The following PSMA2 variants were observed in gnomAD, a reference collection of about 807,000 sequenced individuals.
The protein encoded by PSMA2 is proteasome 20S subunit alpha 2.
In PSMA2, 2 loss-of-function variants were observed where a neutral mutation model predicts 35.9. The observed-to-expected ratio is 0.06, with a 90% CI of 0.02 to 0.18. The LOEUF is 0.18. Among genes scored for constraint, PSMA2 ranks in the 10% least tolerant of loss-of-function variants. The pLI, the probability that PSMA2 is intolerant of heterozygous loss-of-function variation, is 1.00. For synonymous variants in PSMA2, 97 were observed against 98.2 expected (o/e 0.99, Z 0.07); for missense variants, 126 against 278.8 (o/e 0.45, Z 3.90).
Position 42,924,559 on chromosome 7 carries a change from G to A in PSMA2, c.374+116C>T, listed in dbSNP as rs1198242325. 17 of 1,035,478 alleles carry A rather than the reference G, an allele frequency of 1.6e-5. No individual in the cohort carries two copies. In the East Asian group the frequency reaches 4.8e-4, roughly 29 times the overall value. The allele number at this position is 1,035,478 out of a possible 1,614,324, so 64.1% of individuals were successfully genotyped here. The stretch of plus-strand genomic sequence containing the variant: ...CAGAAATATTCATCATAGTGATTCT[G>A]TCCACTTGTTAAGCAAATACAGAAA... On this transcript the variant is annotated intron_variant, in intron 4 of 7. Transcript: ENST00000223321.
chr7:42,927,518 C>T (rs1786231994), intron 1 of PSMA2, 59 bp from the exon 2 acceptor site: 7 of 1,508,328 alleles, frequency 4.6e-6, no homozygotes, highest in African/African-American at 1.4e-5. Context: ...ATTGTAAGAA[C>T]ATCTCTGAGA....
intron 1 of PSMA2, chr7:42,931,206 T>G (rs746196000): frequency 2.3e-6 from 1 of 441,904 alleles, no homozygotes; most frequent in Non-Finnish European, 4.5e-6. Context: ...AGGTTAAGGT[T>G]AAGTTGCACC....
At chr7:42,931,161 A>C (rs1258899117) in intron 1 of PSMA2, 1 of 455,172 alleles carries the variant, frequency 2.2e-6, no homozygotes, top group African/African-American at 2.0e-5. Context: ...AGAAGCTGAG[A>C]TAACATTCAT....
rs541696564 is a variant in PSMA2, at chr7:42,927,540, T to C, written c.42-81A>G. The C allele has an allele frequency of 3.7e-5, 51 of 1,380,426 alleles. No individual in the cohort carries two copies. The South Asian group carries it at 5.8e-4, about 16-fold the overall frequency. The allele number at this position is 1,380,426 out of a possible 1,614,324, so 85.5% of individuals were successfully genotyped here. A position where few individuals can be genotyped will look rare whatever the true frequency, so the allele number is the denominator to read the frequency against. ...GAACATCTCTGAGATAGTACAGACA[T>C]ACAGGTCAAATCCAATTTATCCAAC... On this transcript the variant is annotated intron_variant, in intron 1 of 7. Coordinates refer to ENST00000223321, the MANE Select transcript of PSMA2 (RefSeq NM_002787.5).
rs775869402 is a variant in PSMA2, at chr7:42,917,702, G to A, written c.589-12C>T. The A allele has an allele frequency of 2.5e-6, 4 of 1,611,016 alleles. No individual in the cohort carries two copies. Among genetic ancestry groups the A allele is most frequent in the Non-Finnish European group, 1.7e-6 (2 of 1,178,354 alleles). On this transcript the variant is annotated splice_polypyrimidine_tract_variant and intron_variant, in intron 7 of 7. Transcript: ENST00000223321. ...CCTTCAAAGCTTTCCTATTGAGGAGGGAGGAAAAAAGGTCAATTTTCTAAG... is the reference window on the plus strand; with the variant it reads ...CCTTCAAAGCTTTCCTATTGAGGAGAGAGGAAAAAAGGTCAATTTTCTAAG...
intron 3 of PSMA2, among the ~76,000 whole-genome samples, chr7:42,925,356 G>A (rs1786194700): frequency 6.6e-6 from 1 of 152,244 alleles, no homozygotes; most frequent in East Asian, 1.9e-4. Flanking sequence ...AAGATCACTT[G>A]AGGCCAGGAG....
At chr7:42,924,180 C>T (rs967679671) in intron 4 of PSMA2, among the ~76,000 whole-genome samples, 2 of 82,478 alleles carry the variant, frequency 2.4e-5, no homozygotes, top group African/African-American at 9.1e-5. Flanking sequence ...CACATCTCTA[C>T]CAAAAAAATA....
chr7:42,923,302 C>G, intron 5 of PSMA2, 23 bp downstream of exon 5: 1 of 1,552,268 alleles, frequency 6.4e-7, no homozygotes, highest in Non-Finnish European at 8.9e-7. Flanking sequence ...ACAAATCCCT[C>G]AAATACATTA....
At chr7:42,926,404 A>G in intron 3 of PSMA2, 132 bp downstream of exon 3, 1 of 1,087,846 alleles carries the variant, frequency 9.2e-7, no homozygotes, top group Non-Finnish European at 1.3e-6. Flanking sequence ...CGAGGCTGCT[A>G]TTGCTAAACA....
At chr7:42,928,783 C>G (rs1374837260) in intron 1 of PSMA2, among the ~76,000 whole-genome samples, 1 of 152,190 alleles carries the variant, frequency 6.6e-6, no homozygotes, top group African/African-American at 2.4e-5. Flanking sequence ...AGACTACTCT[C>G]AGACTTCAAA....
In PSMA2 at chr7:42,917,408, A is replaced by C; in HGVS notation, c.*166T>G. On this transcript the variant is annotated 3_prime_UTR_variant, in exon 8 of 8. Coordinates refer to ENST00000223321, the MANE Select transcript of PSMA2 (RefSeq NM_002787.5). ...ATTTTAGCAACTCCTAAAAGGCTGG[A>C]AGGTGGGTTTAACAGTTTATTAGGA... is the stretch of plus-strand genomic sequence containing the variant. 1.8e-6 allele frequency: 1 copy of C among 540,926 alleles called. No individual in the cohort carries two copies. Among genetic ancestry groups the C allele is most frequent in the Non-Finnish European group, 3.2e-6 (1 of 308,232 alleles). The allele number at this position is 540,926 out of a possible 1,614,324, so 33.5% of individuals were successfully genotyped here.
rs1445847951 is a variant in PSMA2 at position 42,917,327 on chromosome 7, T to G, written c.*247A>C. On this transcript the variant is annotated 3_prime_UTR_variant, in exon 8 of 8. Transcript: ENST00000223321. ...GAAAAAGTCATTTCATCATTCTGCT[T>G]GGCAATGTAGTCTTCAGAAATCAAC... The G allele has an allele frequency of 6.0e-6, 2 of 330,652 alleles. No homozygotes were observed. The highest frequency in any genetic ancestry group is 1.1e-5 in the Non-Finnish European group (2 of 180,630). 20.5% of individuals were successfully genotyped at this position (330,652 alleles called of 1,614,324 possible). A position where few individuals can be genotyped will look rare whatever the true frequency, so the allele number is the denominator to read the frequency against.
intron 1 of PSMA2, 52 bp from the exon 2 acceptor site, chr7:42,927,511 G>T (rs773978494): frequency 2.0e-6 from 3 of 1,521,320 alleles, no homozygotes; most frequent in South Asian, 1.1e-5. Flanking sequence ...AATATTTATT[G>T]TAAGAACATC....
At chr7:42,923,720 C>T (rs1484983727) in intron 4 of PSMA2, among the ~76,000 whole-genome samples, 1 of 152,176 alleles carries the variant, frequency 6.6e-6, no homozygotes, top group Non-Finnish European at 1.5e-5. Flanking sequence ...AGCTTTTCCA[C>T]TAGGTTTACC....
At chr7:42,930,271 A>C (rs535313874) in intron 1 of PSMA2, among the ~76,000 whole-genome samples, 1 of 152,140 alleles carries the variant, frequency 6.6e-6, no homozygotes, top group African/African-American at 2.4e-5. Context: ...TTTAAAAAAA[A>C]CTTTTAGATA....
chr7:42,921,664 A>G, intron 6 of PSMA2, 194 bp downstream of exon 6: 3 of 393,942 alleles, frequency 7.6e-6, no homozygotes, highest in Admixed American at 4.3e-5. Context: ...TAGGAAATGA[A>G]TATTAATTAC....
At position 42,932,138 on chromosome 7, in the gene PSMA2, G is replaced by C. The variant is rs531717051; in HGVS notation, c.21C>G (p.Ser7Arg). ...CATACCTGAATGTAGTCAGCGAAAA[G>C]CTGTACCCGCGCTCCGCCATCTTTA... MAERGYSFSLTTFSPSG... is the reference protein window; with the variant it reads MAERGYRFSLTTFSPSG... Residue 7 changes from serine (S) to arginine (R), a missense_variant, in exon 1 of 8, where the codon AGC becomes AGG. Coordinates refer to ENST00000223321, the MANE Select transcript of PSMA2 (RefSeq NM_002787.5). The C allele has an allele frequency of 6.2e-7, 1 of 1,614,166 alleles. No individual in the cohort carries two copies. The highest frequency in any genetic ancestry group is 8.5e-7 in the Non-Finnish European group (1 of 1,180,048).
At chr7:42,922,506 AATC>A (rs960246027) in intron 5 of PSMA2, among the ~76,000 whole-genome samples, 1 of 152,116 alleles carries the variant, frequency 6.6e-6, no homozygotes, top group Non-Finnish European at 1.5e-5. Flanking sequence ...CAAAAGATAA[AATC>A]AGGATTCCAG....
chr7:42,927,202 T>C (rs1786228733), intron 2 of PSMA2, among the ~76,000 whole-genome samples, 181 bp downstream of exon 2: 1 of 152,210 alleles, frequency 6.6e-6, no homozygotes, highest in Admixed American at 6.5e-5. Context: ...ACTATTTACT[T>C]TGAAAAGAAA....
Sources: gnomAD v4.1 joint callset for allele counts (sites outside exome capture counted in the v4.1 genomes callset) on GRCh38, gnomAD v4.1.1 for gene constraint, MANE v1.5 for transcripts, NCBI Gene and HGNC (gene_info 2026-07-23, HGNC 2026-07-21) for gene names.